TPO: variants seen among roughly 807,000 people sequenced by gnomAD.
TPO encodes thyroid peroxidase, also known as thyroid microsomal antigen.
TPO carries 78 observed loss-of-function variants against 96.9 expected under a neutral mutation model. The ratio of observed to expected loss-of-function variants is 0.81; its 90% confidence interval spans 0.67 to 0.97. TPO has a LOEUF of 0.97. TPO is among the 50% of genes least tolerant of loss of function. The pLI is 0.00. For synonymous variants in TPO, 547 were observed against 538.0 expected, an observed-to-expected ratio of 1.02 and a Z score of -0.23; for missense variants, 1,252 against 1,274.8, an observed-to-expected ratio of 0.98 and a Z score of 0.27.
At chr2:1,442,362 C>A (rs1342985564) in intron 5 of TPO, among the ~76,000 whole-genome samples, 1 of 151,992 alleles carries the variant, frequency 6.6e-6, no homozygotes, top group Non-Finnish European at 1.5e-5. Context: ...AGCCAGAAAA[C>A]AAAGGGGCCA....
At chr2:1,418,387 TA>T (rs534277094) in intron 2 of TPO, among the ~76,000 whole-genome samples, 149 of 151,976 alleles carry the variant, frequency 9.8e-4, no homozygotes, top group African/African-American at 3.5e-3. Context: ...AAGGTGAGAA[TA>T]AGAAGGGAAA....
At chr2:1,497,180 G>A (rs1246504591) in intron 13 of TPO, among the ~76,000 whole-genome samples, 1 of 152,176 alleles carries the variant, frequency 6.6e-6, no homozygotes, top group Non-Finnish European at 1.5e-5. Flanking sequence ...CCCATGCCTG[G>A]TCCTCCTCCA....
At chr2:1,517,949 C>CCA (rs1456347489) in intron 15 of TPO, among the ~76,000 whole-genome samples, 3 of 147,224 alleles carry the variant, frequency 2.0e-5, no homozygotes, top group East Asian at 2.0e-4. Context: ...CTCCCCCCCC[C>CCA]AATATGCCCT....
At chr2:1,414,321 C>G in intron 1 of TPO, 87 bp from the exon 2 acceptor site, 1 of 1,284,752 alleles carries the variant, frequency 7.8e-7, no homozygotes, top group South Asian at 1.3e-5. Context: ...GTGGAGGGAG[C>G]CCCTCAGCAG....
At chr2:1,529,671 C>T (rs1188182582) in intron 15 of TPO, among the ~76,000 whole-genome samples, 1 of 137,386 alleles carries the variant, frequency 7.3e-6, no homozygotes, top group African/African-American at 2.8e-5. Context: ...ATCACCCCCA[C>T]TGTGTGCAAC....
chr2:1,381,118 G>A (rs1055144658), intron 1 of TPO, among the ~76,000 whole-genome samples: 95 of 152,240 alleles, frequency 6.2e-4, no homozygotes, highest in African/African-American at 1.2e-3. Context: ...CAAAGACTTC[G>A]TGACTAAAAC....
intron 3 of TPO, among the ~76,000 whole-genome samples, chr2:1,425,692 C>G (rs1038174296): frequency 6.6e-6 from 1 of 152,102 alleles, no homozygotes; most frequent in African/African-American, 2.4e-5. Flanking sequence ...TGCTGGGATA[C>G]AGAGATGAGT....
Position 1,388,499 on chromosome 2 carries a change from C to A in TPO, n.180+14097C>A, listed in dbSNP as rs200630281. On this transcript the variant is annotated intron_variant and non_coding_transcript_variant, in intron 1 of 5. Coordinates refer to the TPO transcript ENST00000497517. Reference sequence around the variant, plus strand: ...TGAGCGAGGCTCTGTGGGTGTAGGACCCTCCGAGCCAGGCGTAGGGTATAA... The same window carrying A: ...TGAGCGAGGCTCTGTGGGTGTAGGAACCTCCGAGCCAGGCGTAGGGTATAA... Among the ~76,000 whole-genome samples, 45 of 152,324 alleles carry A rather than the reference C, an allele frequency of 3.0e-4. No individual in the cohort carries two copies. The East Asian group carries it at 7.1e-3, about 24-fold the overall frequency.
chr2:1,478,438 C>A (rs972953575), intron 8 of TPO: 2 of 977,734 alleles, frequency 2.0e-6, no homozygotes, highest in African/African-American at 3.5e-5. Flanking sequence ...AAAGGAGGCA[C>A]TGGAGCCTTG....
chr2:1,445,245 C>G (rs563665951), intron 5 of TPO, among the ~76,000 whole-genome samples: 31 of 136,482 alleles, frequency 2.3e-4, no homozygotes, highest in African/African-American at 8.3e-4. Context: ...GGGCAGGCTC[C>G]TTCTTGTTTG....
At chr2:1,536,761 CAT>C (rs1679746972) in intron 15 of TPO, among the ~76,000 whole-genome samples, 1 of 122,808 alleles carries the variant, frequency 8.1e-6, no homozygotes, top group Non-Finnish European at 1.7e-5. Flanking sequence ...CCCAAATCCC[CAT>C]CACTCTGTGT....
rs749144973 is a variant in TPO at position 1,542,458 on chromosome 2, T to C, written c.2786T>C (p.Leu929Pro). 5 of 1,614,104 alleles carry C rather than the reference T, an allele frequency of 3.1e-6. No homozygotes were observed. The highest frequency in any genetic ancestry group is 4.2e-6 in the Non-Finnish European group (5 of 1,180,046). The change falls in exon 17 of 17, where the codon CTG becomes CCG. Residue 929 changes from leucine to proline, a missense_variant. Leu to Pro is a moderately conservative substitution (Grantham distance 98). Coordinates refer to ENST00000329066, the MANE Select transcript of TPO (RefSeq NM_001206744.2). ...AGMEGRDTHR[L>P]PRAL ...ATGGAAGGCCGGGATACTCACAGGC[T>C]GCCGAGAGCCCTCTGAGGGCAAAGT...
Position 1,487,899 on chromosome 2 carries a change from A to T in TPO, c.1676A>T (p.Glu559Val), listed in dbSNP as rs1483056368. ...LQVQDQLMNE[E>V]LTERLFVLSN... ...GTGCAGGATCAGCTGATGAACGAGG[A>T]GCTGACGGAAAGGCTCTTTGTGCTG... is the stretch of plus-strand genomic sequence containing the variant. The change falls in exon 10 of 17, where the codon GAG (glutamate) becomes GTG (valine). Residue 559 changes from glutamate to valine, a missense_variant. Coordinates refer to ENST00000329066, the MANE Select transcript of TPO (RefSeq NM_001206744.2). The T allele has an allele frequency of 6.2e-7, 1 of 1,614,188 alleles. No homozygotes were observed. Among genetic ancestry groups the T allele is most frequent in the East Asian group, 2.2e-5 (1 of 44,872 alleles).
At chr2:1,387,330 C>T (rs938570602) in intron 1 of TPO, among the ~76,000 whole-genome samples, 12 of 152,182 alleles carry the variant, frequency 7.9e-5, no homozygotes, top group Non-Finnish European at 1.2e-4. Context: ...CCATTGTCCC[C>T]ATCACTTTCA....
At chr2:1,480,309 T>C (rs1306733349) in intron 8 of TPO, among the ~76,000 whole-genome samples, 3 of 152,192 alleles carry the variant, frequency 2.0e-5, no homozygotes, top group Admixed American at 1.3e-4. Flanking sequence ...TTTGATACAT[T>C]AAAATAATAA....
intron 7 of TPO, among the ~76,000 whole-genome samples, chr2:1,470,359 G>A (rs11211654): frequency 0.075 from 11,462 of 152,040 alleles, 584 homozygotes; most frequent in East Asian, 0.16. Context: ...CGAAAAAGGT[G>A]GACAAGGAGT....
intron 10 of TPO, among the ~76,000 whole-genome samples, chr2:1,493,442 T>G (rs1008802210): frequency 7.6e-5 from 11 of 143,866 alleles, no homozygotes; most frequent in African/African-American, 2.7e-4. Flanking sequence ...CATTCTAGCC[T>G]GGCAAACTGC....
intron 7 of TPO, among the ~76,000 whole-genome samples, chr2:1,468,969 A>G (rs561173629): frequency 2.3e-4 from 35 of 152,058 alleles, no homozygotes; most frequent in African/African-American, 7.7e-4. Flanking sequence ...TGAGCTCTGA[A>G]GTTTTCTTTT....
chr2:1,477,470 T>A lies in TPO; in HGVS notation c.1204T>A (p.Ser402Thr). 1 of 1,528,480 alleles carries A rather than the reference T, an allele frequency of 6.5e-7. No individual in the cohort carries two copies. Among genetic ancestry groups the A allele is most frequent in the Non-Finnish European group, 8.7e-7 (1 of 1,143,258 alleles). 94.7% of individuals were successfully genotyped at this position (1,528,480 alleles called of 1,614,324 possible). A position where few individuals can be genotyped will look rare whatever the true frequency, so the allele number is the denominator to read the frequency against. Reference protein sequence around the residue: ...AGDGRASEVPSLTALHTLWLR... With the variant: ...AGDGRASEVPTLTALHTLWLR... ...AGACGGCCGCGCCAGCGAGGTCCCC[T>A]CCCTGACGGCACTGCACACGCTGTG... Residue 402 changes from serine to threonine, a missense_variant, in exon 8 of 17, where the codon TCC (serine) becomes ACC (threonine). Transcript: ENST00000329066.
Sources: allele counts gnomAD v4.1 joint callset (sites outside exome capture counted in the v4.1 genomes callset), GRCh38; gene constraint gnomAD v4.1.1; transcripts MANE v1.5; gene names NCBI Gene and HGNC (gene_info 2026-07-23, HGNC 2026-07-21).